The following HDGFL3 variants were observed in gnomAD, a reference collection of about 807,000 sequenced individuals.
HDGFL3 encodes the protein HDGF like 3.
In HDGFL3, 6 loss-of-function variants were observed where a neutral mutation model predicts 27.6. The observed-to-expected ratio is 0.22, with a 90% CI of 0.12 to 0.43. The LOEUF (loss-of-function observed/expected upper bound fraction) is 0.43, where lower values mean the gene tolerates loss of function less well. Ranked by LOEUF, HDGFL3 falls within the 20% of genes least tolerant of loss-of-function variation. The pLI is 1.00. For synonymous variants in HDGFL3, 88 were observed against 88.9 expected, an observed-to-expected ratio of 0.99 and a Z score of 0.05; for missense variants, 207 against 250.1, an observed-to-expected ratio of 0.83 and a Z score of 1.16.
rs958105094 is a variant in HDGFL3 at position 83,133,134 on chromosome 15, T to C, written c.*6136A>G. On this transcript the variant is annotated 3_prime_UTR_variant, in exon 6 of 6. Coordinates refer to ENST00000299633, the MANE Select transcript of HDGFL3 (RefSeq NM_016073.4). ...CACCCGAGGCCATACGGCTGGTTTG[T>C]GGTGGAGCTGTGATTTGACTCTGGA... 7.2e-5 allele frequency: 11 copies of C among 152,240 alleles called. No individual in the cohort carries two copies. The highest frequency in any genetic ancestry group is 2.7e-4 in the African/African-American group (11 of 41,462). The allele number at this position is 152,240 out of a possible 1,614,324, so 9.4% of individuals were successfully genotyped here.
rs1418407308 is a variant in HDGFL3, at chr15:83,136,940, A to G, written c.*2330T>C. 1.2e-5 allele frequency: 3 copies of G among 250,568 alleles called. No individual in the cohort carries two copies. In the Admixed American group the frequency reaches 1.5e-4, roughly 12 times the overall value. The allele number at this position is 250,568 out of a possible 1,614,324, so 15.5% of individuals were successfully genotyped here. On this transcript the variant is annotated 3_prime_UTR_variant, in exon 6 of 6. Coordinates refer to ENST00000299633, the MANE Select transcript of HDGFL3 (RefSeq NM_016073.4). ...TCCATCTCAATATTGTTTGACATAT[A>G]AAATAATTATAAGTGTAAAAAATTA...
At chr15:83,147,873 A>G (rs1158506115) in intron 5 of HDGFL3, among the ~76,000 whole-genome samples, 2 of 152,254 alleles carry the variant, frequency 1.3e-5, no homozygotes, top group African/African-American at 4.8e-5. Flanking sequence ...GATATCTGCA[A>G]GAAATATGAT....
downstream of HDGFL3, among the ~76,000 whole-genome samples, chr15:83,125,522 C>T (rs1596507480): frequency 6.6e-6 from 1 of 152,172 alleles, no homozygotes; most frequent in African/African-American, 2.4e-5. Flanking sequence ...AAATAATGTA[C>T]ATCAAACACT....
intron 3 of HDGFL3, 105 bp from the exon 4 acceptor site, chr15:83,157,678 CG>C: frequency 8.4e-7 from 1 of 1,192,344 alleles, no homozygotes; most frequent in Non-Finnish European, 1.2e-6. Flanking sequence ...TCCGCTTACT[CG>C]GAAGATTTTC....
rs1465273352 is a variant in HDGFL3, at chr15:83,132,221, T to C, written c.*7049A>G. 1 of 152,276 alleles carries C rather than the reference T, an allele frequency of 6.6e-6. No individual in the cohort carries two copies. The highest frequency in any genetic ancestry group is 1.5e-5 in the Non-Finnish European group (1 of 68,054). The allele number at this position is 152,276 out of a possible 1,614,324, so 9.4% of individuals were successfully genotyped here. ...CTATGTAACCCTTTGTTGCTACTATTACTGGTAGAAGATTCCCAGTAAGAA... is the reference window on the plus strand; with the variant it reads ...CTATGTAACCCTTTGTTGCTACTATCACTGGTAGAAGATTCCCAGTAAGAA... On this transcript the variant is annotated 3_prime_UTR_variant, in exon 6 of 6. Transcript: ENST00000299633.
intron 2 of HDGFL3, among the ~76,000 whole-genome samples, chr15:83,160,463 C>G (rs1033407916): frequency 2.6e-5 from 4 of 151,242 alleles, no homozygotes; most frequent in East Asian, 2.0e-4. Flanking sequence ...GGGATTACAG[C>G]CATGAGCCAC....
At chr15:83,201,333 ACT>A (rs2037643698) in intron 1 of HDGFL3, among the ~76,000 whole-genome samples, 1 of 152,094 alleles carries the variant, frequency 6.6e-6, no homozygotes, top group Admixed American at 6.5e-5. Flanking sequence ...AAATTTCTAA[ACT>A]CTTATTTCAA....
At chr15:83,180,332 G>A (rs78067431) in intron 1 of HDGFL3, among the ~76,000 whole-genome samples, 315 of 152,272 alleles carry the variant, frequency 2.1e-3, no homozygotes, top group African/African-American at 7.4e-3. Flanking sequence ...AGAAGGGCAA[G>A]CAAACTTGTC....
rs8041022 is a variant in HDGFL3 at position 83,113,313 on chromosome 15, C to T, written c.*2396G>A. The T allele has an allele frequency of 2.2e-3, 464 of 207,476 alleles. 1 individual carries two copies. The highest frequency in any genetic ancestry group is 9.5e-3 in the African/African-American group (418 of 43,984). 12.9% of individuals were successfully genotyped at this position (207,476 alleles called of 1,614,324 possible). Reference sequence around the variant, plus strand: ...ATGCATGAAGAGGAAAATAATGGAACCTGCCATAGAGACAAGCACCTATAG... The same window carrying T: ...ATGCATGAAGAGGAAAATAATGGAATCTGCCATAGAGACAAGCACCTATAG... On this transcript the variant is annotated 3_prime_UTR_variant, in exon 4 of 4. Transcript: ENST00000568294.
At chr15:83,149,118 G>C (rs1567166938) in intron 5 of HDGFL3, among the ~76,000 whole-genome samples, 1 of 152,094 alleles carries the variant, frequency 6.6e-6, no homozygotes, top group South Asian at 2.1e-4. Context: ...CTTACTAGCT[G>C]TGTGATCCTA....
Position 83,164,367 on chromosome 15 carries a change from C to CAAAAAAAAAAAAAAA in HDGFL3, c.85-307_85-293dup, listed in dbSNP as rs869303457. ...TGTCCTAGTGAAAAATTAGAGTAAC[C>CAAAAAAAAAAAAAAA]AAAAAAAAAAAAAAAAAAAAAAAAA... On this transcript the variant is annotated intron_variant, in intron 1 of 5. Transcript: ENST00000299633. Among the ~76,000 whole-genome samples the CAAAAAAAAAAAAAAA allele has an allele frequency of 3.4e-3, 131 of 38,406 alleles. 3 individuals carry two copies. The highest frequency in any genetic ancestry group is 4.8e-3 in the Non-Finnish European group (100 of 20,716). The allele number at this position is 38,406 out of a possible 152,430, so 25.2% of individuals were successfully genotyped here. A position where few individuals can be genotyped will look rare whatever the true frequency, so the allele number is the denominator to read the frequency against.
At chr15:83,165,329 T>C (rs1391441574) in intron 1 of HDGFL3, among the ~76,000 whole-genome samples, 1 of 152,218 alleles carries the variant, frequency 6.6e-6, no homozygotes, top group Non-Finnish European at 1.5e-5. Flanking sequence ...TGCAGTTTCT[T>C]TATCTCTTCA....
rs2036593555 is a variant in HDGFL3, at chr15:83,136,145, G to T, written c.*3125C>A. Reference sequence around the variant, plus strand: ...GAACGCAAATCAGAAAAAAATTTGAGATTTTATTCAGATTTTTCTATTAGA... The same window carrying T: ...GAACGCAAATCAGAAAAAAATTTGATATTTTATTCAGATTTTTCTATTAGA... On this transcript the variant is annotated 3_prime_UTR_variant, in exon 6 of 6. Transcript: ENST00000299633. 1 of 189,258 alleles carries T rather than the reference G, an allele frequency of 5.3e-6. No individual in the cohort carries two copies. Among genetic ancestry groups the T allele is most frequent in the East Asian group, 1.3e-4 (1 of 7,764 alleles). The allele number at this position is 189,258 out of a possible 1,614,324, so 11.7% of individuals were successfully genotyped here.
chr15:83,178,463 G>A (rs779889057), intron 1 of HDGFL3, among the ~76,000 whole-genome samples: 2 of 151,986 alleles, frequency 1.3e-5, no homozygotes, highest in African/African-American at 2.4e-5. Flanking sequence ...AAAGTTCCTC[G>A]CTTCTACCCC....
intron 1 of HDGFL3, among the ~76,000 whole-genome samples, chr15:83,205,503 A>G (rs570990342): frequency 6.6e-6 from 1 of 152,362 alleles, no homozygotes; most frequent in African/African-American, 2.4e-5. Context: ...ATATACAACT[A>G]GGACCACTTC....
intron 2 of HDGFL3, among the ~76,000 whole-genome samples, chr15:83,159,030 G>A (rs1231151086): frequency 6.6e-6 from 1 of 151,972 alleles, no homozygotes; most frequent in Admixed American, 6.6e-5. Flanking sequence ...TAGTAGAGAC[G>A]GGGTTTCGCC....
intron 1 of HDGFL3, among the ~76,000 whole-genome samples, chr15:83,173,430 G>C (rs1022494610): frequency 6.6e-6 from 1 of 152,174 alleles, no homozygotes; most frequent in African/African-American, 2.4e-5. Flanking sequence ...TGTATTAAAA[G>C]CATTTTTGAC....
At chr15:83,174,810 A>G (rs1233411805) in intron 1 of HDGFL3, among the ~76,000 whole-genome samples, 2 of 152,372 alleles carry the variant, frequency 1.3e-5, no homozygotes, top group African/African-American at 4.8e-5. Context: ...AACTTCTTTC[A>G]AACAAAAACA....
At chr15:83,160,804 C>T (rs1201816159) in intron 2 of HDGFL3, among the ~76,000 whole-genome samples, 1 of 152,152 alleles carries the variant, frequency 6.6e-6, no homozygotes, top group Non-Finnish European at 1.5e-5. Context: ...GTTGATCCCT[C>T]GCATTGTGCA....
Sources: gnomAD v4.1 joint callset for allele counts (sites outside exome capture counted in the v4.1 genomes callset) on GRCh38, gnomAD v4.1.1 for gene constraint, MANE v1.5 for transcripts, NCBI Gene and HGNC (gene_info 2026-07-23, HGNC 2026-07-21) for gene names.